INPP5B: variants seen among roughly 807,000 people sequenced by gnomAD.
The protein encoded by INPP5B is inositol polyphosphate-5-phosphatase B.
Under a neutral mutation model 118.5 loss-of-function variants are expected in INPP5B, and 90 were observed. The ratio of observed to expected loss-of-function variants is 0.76; its 90% CI spans 0.64 to 0.90. INPP5B has a LOEUF of 0.90. INPP5B is among the 40% of genes least tolerant of loss of function. INPP5B has a pLI of 0.00. For missense variants in INPP5B, 984 were observed against 1,125.6 expected, an observed-to-expected ratio of 0.87 and a Z score of 1.80; for synonymous variants, 385 against 418.9, an observed-to-expected ratio of 0.92 and a Z score of 0.99.
chr1:37,875,635 T>A lies in INPP5B; in HGVS notation c.1759A>T (p.Ile587Phe), dbSNP rs769064205. ...CGCTTGGACAGGGACACAGAAGGAATGTTGGCATTTTCCATCTTATCCAGG... is the reference window on the plus strand; with the variant it reads ...CGCTTGGACAGGGACACAGAAGGAAAGTTGGCATTTTCCATCTTATCCAGG... ...RSLDKMENAN[I>F]PSVSLSKREF... The change falls in exon 17 of 24, where the codon ATT (isoleucine) becomes TTT (phenylalanine). Residue 587 changes from isoleucine (I) to phenylalanine (F), a missense_variant. Ile to Phe is a conservative substitution (Grantham distance 21, BLOSUM62 0). This residue lies in a region of INPP5B where 634 missense variants were observed against 791.0 expected (regional missense o/e 0.80). Transcript: ENST00000373024. The A allele has an allele frequency of 7.4e-6, 12 of 1,613,874 alleles. No homozygotes were observed. The highest frequency in any genetic ancestry group is 1.7e-6 in the Non-Finnish European group (2 of 1,179,870).
At chr1:37,895,441 C>A (rs1643992800) in intron 7 of INPP5B, among the ~76,000 whole-genome samples, 2 of 152,170 alleles carry the variant, frequency 1.3e-5, no homozygotes, top group African/African-American at 4.8e-5. Context: ...TCAGCTTGGA[C>A]AATAGAGACC....
At chr1:37,879,621 G>C (rs1012913634) in intron 15 of INPP5B, among the ~76,000 whole-genome samples, 2 of 151,914 alleles carry the variant, frequency 1.3e-5, no homozygotes, top group Non-Finnish European at 2.9e-5. Context: ...AGCTGGGCCT[G>C]GTGGCACATG....
chr1:37,918,446 C>T (rs1644946393), intron 7 of INPP5B, among the ~76,000 whole-genome samples: 1 of 152,178 alleles, frequency 6.6e-6, no homozygotes, highest in South Asian at 2.1e-4. Context: ...GTTACTCCTA[C>T]TTTTTGGCCA....
At chr1:37,889,534 C>T (rs747242463) in intron 9 of INPP5B, 23 bp downstream of exon 9, 2 of 1,593,546 alleles carry the variant, frequency 1.3e-6, no homozygotes, top group Non-Finnish European at 1.7e-6. Flanking sequence ...GCTCTGAAAA[C>T]ATCCTAGAAC....
chr1:37,938,559 A>G (rs1189512307), intron 6 of INPP5B, among the ~76,000 whole-genome samples: 1 of 152,168 alleles, frequency 6.6e-6, no homozygotes, highest in Non-Finnish European at 1.5e-5. Context: ...TAAAGTTCAG[A>G]GAGGTGAAGT....
intron 18 of INPP5B, 52 bp from the exon 19 acceptor site, chr1:37,873,217 G>A (rs1314867960): frequency 7.8e-7 from 1 of 1,278,932 alleles, no homozygotes; most frequent in African/African-American, 1.4e-5. Flanking sequence ...CAAGAGGAAA[G>A]GGGAAAGAAG....
chr1:37,864,406 G>A lies in INPP5B; in HGVS notation c.2532C>T (p.Pro844=). 1 of 1,607,696 alleles carries A rather than the reference G, an allele frequency of 6.2e-7. No individual in the cohort carries two copies. The highest frequency in any genetic ancestry group is 8.5e-7 in the Non-Finnish European group (1 of 1,174,440). Residue 844 remains proline (P), a synonymous_variant, in exon 23 of 24, where the codon CCC becomes CCT. Transcript: ENST00000373024. Reference sequence around the variant, plus strand: ...AGTGGAAGACATTTTTGTGGAATATGGGGAGAGTAGAAATGACCTGAAAGA... The same window carrying A: ...AGTGGAAGACATTTTTGTGGAATATAGGGAGAGTAGAAATGACCTGAAAGA... The part of the protein sequence containing the change: ...TASKQVISTL[P]IFHKNVFHYL...
At chr1:37,891,320 A>G in intron 8 of INPP5B, 38 bp downstream of exon 8, 2 of 1,459,682 alleles carry the variant, frequency 1.4e-6, no homozygotes, top group Non-Finnish European at 1.9e-6. Context: ...GGAGAACCTC[A>G]GTCCTACAAG....
chr1:37,918,669 C>T (rs758672259), intron 7 of INPP5B, among the ~76,000 whole-genome samples: 5 of 152,210 alleles, frequency 3.3e-5, no homozygotes, highest in Admixed American at 6.5e-5. Flanking sequence ...CCATCCATCA[C>T]CTCTTATGAA....
At chr1:37,867,585 C>T (rs573602522) in intron 20 of INPP5B, among the ~76,000 whole-genome samples, 20 of 152,208 alleles carry the variant, frequency 1.3e-4, no homozygotes, top group African/African-American at 4.3e-4. Context: ...GTGCTTGGTA[C>T]ACTGCAACTT....
rs1314066470 is a variant in INPP5B at position 37,889,599 on chromosome 1, A to T, written c.755T>A (p.Leu252Gln). ...GLRDTIVKSH[L>Q]LQKEEDYTYI... ...GGTGTAATCCTCTTCTTTCTGTAGT[A>T]GATGTGATTTCACAATTGTATCTCG... Residue 252 changes from leucine to glutamine, a missense_variant, in exon 9 of 24, where the codon CTA (leucine) becomes CAA (glutamine). Coordinates refer to ENST00000373024, the MANE Select transcript of INPP5B (RefSeq NM_005540.3). 3.1e-6 allele frequency: 5 copies of T among 1,613,928 alleles called. No homozygotes were observed. Among genetic ancestry groups the T allele is most frequent in the Non-Finnish European group, 4.2e-6 (5 of 1,179,928 alleles).
At chr1:37,946,637 T>C (rs1646121524) in intron 1 of INPP5B, among the ~76,000 whole-genome samples, 1 of 152,120 alleles carries the variant, frequency 6.6e-6, no homozygotes, top group Non-Finnish European at 1.5e-5. Context: ...GGTACGTGGA[T>C]TGGAGAAGGG....
chr1:37,869,849 A>T (rs1226822174), intron 19 of INPP5B: 5 of 152,074 alleles, frequency 3.3e-5, no homozygotes. Flanking sequence ...CCCTGTTTTC[A>T]TCTATATGAT....
chr1:37,934,922 G>A (rs1387369056), intron 6 of INPP5B, among the ~76,000 whole-genome samples: 1 of 151,456 alleles, frequency 6.6e-6, no homozygotes, highest in Non-Finnish European at 1.5e-5. Context: ...AGTCTTGGCC[G>A]GGCGCAGTGG....
chr1:37,893,767 G>A (rs1643916891), intron 7 of INPP5B, among the ~76,000 whole-genome samples: 1 of 152,128 alleles, frequency 6.6e-6, no homozygotes, highest in Non-Finnish European at 1.5e-5. Context: ...CCTACCCACT[G>A]CTCTAGCCCC....
chr1:37,899,956 C>T (rs1216224488), intron 7 of INPP5B, among the ~76,000 whole-genome samples: 4 of 151,912 alleles, frequency 2.6e-5, no homozygotes, highest in South Asian at 2.1e-4. Context: ...CTTCATGATC[C>T]GCCCGCCTTG....
At chr1:37,879,860 A>G (rs1235332658) in intron 15 of INPP5B, among the ~76,000 whole-genome samples, 1 of 152,238 alleles carries the variant, frequency 6.6e-6, no homozygotes, top group Non-Finnish European at 1.5e-5. Context: ...AAAGTAAACC[A>G]GTATTAAAAT....
intron 15 of INPP5B, 39 bp from the exon 16 acceptor site, chr1:37,878,362 C>T: frequency 6.2e-7 from 1 of 1,609,832 alleles, no homozygotes; most frequent in Middle Eastern, 1.8e-4. Context: ...CTCACAGAAA[C>T]AGCAGTGCCC....
At chr1:37,945,350 T>C (rs1407844870) in intron 3 of INPP5B, among the ~76,000 whole-genome samples, 1 of 152,082 alleles carries the variant, frequency 6.6e-6, no homozygotes, top group East Asian at 1.9e-4. Context: ...CGAGAATTGC[T>C]TGGACCTGGG....
Sources: gnomAD v4.1 joint callset for allele counts (sites outside exome capture counted in the v4.1 genomes callset) on GRCh38, gnomAD v4.1.1 for gene constraint, gnomAD v4.1.1 regional missense constraint, MANE v1.5 for transcripts, NCBI Gene and HGNC (gene_info 2026-07-23, HGNC 2026-07-21) for gene names.